The following HDAC9 variants were observed in gnomAD, a reference collection of about 807,000 sequenced individuals.
The protein encoded by HDAC9 is histone deacetylase 9.
In HDAC9, 41 loss-of-function variants were observed where a neutral mutation model predicts 139.4. That is an observed-to-expected ratio of 0.29 (90% confidence interval 0.23 to 0.38). The LOEUF (loss-of-function observed/expected upper bound fraction) is 0.38, where lower values mean the gene tolerates loss of function less well. Ranked by LOEUF, HDAC9 falls within the 10% of genes least tolerant of loss-of-function variation. The pLI is 1.00. For synonymous variants in HDAC9, 517 were observed against 476.2 expected, an observed-to-expected ratio of 1.09 and a Z score of -1.12; for missense variants, 1,147 against 1,297.0, an observed-to-expected ratio of 0.88 and a Z score of 1.78.
chr7:18,544,016 T>G (rs1813884290), intron 2 of HDAC9, among the ~76,000 whole-genome samples: 1 of 152,234 alleles, frequency 6.6e-6, no homozygotes, highest in African/African-American at 2.4e-5. Flanking sequence ...CTTTGGATTT[T>G]AATTTAAGTG....
chr7:18,836,729 T>C (rs1293500078), intron 21 of HDAC9, among the ~76,000 whole-genome samples: 2 of 152,156 alleles, frequency 1.3e-5, no homozygotes, highest in East Asian at 3.8e-4. Flanking sequence ...AATATTAGTT[T>C]GTAGTTTAAA....
chr7:18,534,010 A>G (rs1039190372), intron 2 of HDAC9, among the ~76,000 whole-genome samples: 1 of 152,134 alleles, frequency 6.6e-6, no homozygotes, highest in Non-Finnish European at 1.5e-5. Context: ...GATAGAGGCT[A>G]TTAATTATAG....
chr7:18,857,093 T>A (rs1175624099), intron 21 of HDAC9, among the ~76,000 whole-genome samples: 2 of 152,242 alleles, frequency 1.3e-5, no homozygotes, highest in Non-Finnish European at 2.9e-5. Flanking sequence ...TTTAAATTTT[T>A]ATCTTTTTCT....
intron 21 of HDAC9, among the ~76,000 whole-genome samples, chr7:18,859,011 C>T (rs1797893414): frequency 6.6e-6 from 1 of 152,154 alleles, no homozygotes; most frequent in Non-Finnish European, 1.5e-5. Flanking sequence ...AATTGTCAAG[C>T]TTCCGAGAAC....
At chr7:18,663,435 G>A (rs1793828116) in intron 11 of HDAC9, among the ~76,000 whole-genome samples, 1 of 151,960 alleles carries the variant, frequency 6.6e-6, no homozygotes, top group Non-Finnish European at 1.5e-5. Flanking sequence ...AGCTAGCTAG[G>A]TTCCAAGTCG....
rs1020047554 is a variant in HDAC9 at position 18,231,345 on chromosome 7, G to A, written c.25+68996G>A. On this transcript the variant is annotated intron_variant, in intron 2 of 12. Transcript: ENST00000417496. ...TTGGGTAATAGGCAGTGGCATCTGC[G>A]TTTCTCCCCACTTTACGGCGATCAA... is the stretch of plus-strand genomic sequence containing the variant. 4.6e-5 allele frequency among the ~76,000 whole-genome samples: 7 copies of A among 152,136 alleles called. No individual in the cohort carries two copies. The East Asian group carries it at 5.8e-4, about 13-fold the overall frequency.
intron 1 of HDAC9, among the ~76,000 whole-genome samples, chr7:18,355,026 T>A (rs1783146976): frequency 4.0e-5 from 6 of 151,274 alleles, no homozygotes. Context: ...CTGCTTATTG[T>A]CAGTCATTTT....
intron 23 of HDAC9, among the ~76,000 whole-genome samples, chr7:18,942,119 T>C (rs914683901): frequency 5.9e-5 from 9 of 152,102 alleles, no homozygotes; most frequent in African/African-American, 2.2e-4. Context: ...TAGTCTTTTA[T>C]TGGGCATGTA....
At chr7:18,310,846 ACACT>A (rs1247163752) in intron 1 of HDAC9, among the ~76,000 whole-genome samples, 32 of 138,326 alleles carry the variant, frequency 2.3e-4, no homozygotes, top group Admixed American at 1.1e-3. Flanking sequence ...ACACACACAC[ACACT>A]CTCTTACTAA....
At chr7:18,577,572 G>A (rs1424688344) in intron 2 of HDAC9, among the ~76,000 whole-genome samples, 1 of 152,098 alleles carries the variant, frequency 6.6e-6, no homozygotes, top group Non-Finnish European at 1.5e-5. Flanking sequence ...GCCCTACCCT[G>A]CCCAACCCCA....
chr7:18,955,778 T>A (rs1268576083), intron 24 of HDAC9, among the ~76,000 whole-genome samples: 1 of 152,098 alleles, frequency 6.6e-6, no homozygotes, highest in East Asian at 1.9e-4. Context: ...TGAGAGGGAC[T>A]GGATAGTAAG....
intron 8 of HDAC9, among the ~76,000 whole-genome samples, chr7:18,640,944 G>A (rs923529752): frequency 6.6e-6 from 1 of 152,042 alleles, no homozygotes; most frequent in Non-Finnish European, 1.5e-5. Flanking sequence ...AGCCATCACT[G>A]GGTCATGGTA....
chr7:18,272,996 C>CTCCTCTTCTTCTTCT (rs1796466869), intron 2 of HDAC9, among the ~76,000 whole-genome samples: 1 of 139,778 alleles, frequency 7.2e-6, no homozygotes, highest in African/African-American at 3.1e-5. Flanking sequence ...CCTCCTCCTC[C>CTCCTCTTCTTCTTCT]TCTTCTTCTT....
chr7:18,772,717 A>G (rs1790420029), intron 16 of HDAC9, among the ~76,000 whole-genome samples: 1 of 152,030 alleles, frequency 6.6e-6, no homozygotes, highest in Non-Finnish European at 1.5e-5. Flanking sequence ...TCAGCTTCAG[A>G]CTTGATGCAA....
chr7:18,432,517 A>T (rs571573953), intron 1 of HDAC9, among the ~76,000 whole-genome samples: 39 of 152,356 alleles, frequency 2.6e-4, no homozygotes, highest in African/African-American at 9.1e-4. Context: ...AGCTATTCCT[A>T]TTCCTTCAGA....
At chr7:18,436,479 A>G (rs1791213490) in intron 1 of HDAC9, among the ~76,000 whole-genome samples, 1 of 152,164 alleles carries the variant, frequency 6.6e-6, no homozygotes, top group African/African-American at 2.4e-5. Flanking sequence ...TTTCATGCTA[A>G]TTTCTGATAG....
chr7:18,714,858 A>G (rs1468571619), intron 12 of HDAC9, among the ~76,000 whole-genome samples: 1 of 152,182 alleles, frequency 6.6e-6, no homozygotes, highest in Non-Finnish European at 1.5e-5. Context: ...TGTATCTTCT[A>G]ATTTCTACTA....
At chr7:18,221,575 C>G (rs1039246452) in intron 2 of HDAC9, among the ~76,000 whole-genome samples, 1 of 152,158 alleles carries the variant, frequency 6.6e-6, no homozygotes, top group Non-Finnish European at 1.5e-5. Context: ...GATGTGTACA[C>G]TGAGCTTCCA....
intron 1 of HDAC9, among the ~76,000 whole-genome samples, chr7:18,364,322 T>G (rs1784012205): frequency 6.6e-6 from 1 of 152,032 alleles, no homozygotes; most frequent in Non-Finnish European, 1.5e-5. Flanking sequence ...CTGTGAGGAT[T>G]AAGATAATAT....
Sources: allele counts gnomAD v4.1 joint callset (sites outside exome capture counted in the v4.1 genomes callset), GRCh38; gene constraint gnomAD v4.1.1; transcripts MANE v1.5; gene names NCBI Gene and HGNC (gene_info 2026-07-23, HGNC 2026-07-21).